ZNF618: variants seen among roughly 807,000 people sequenced by gnomAD.
ZNF618 encodes the protein zinc finger protein 618.
A neutral mutation model predicts 103.0 loss-of-function variants in ZNF618; 34 were observed. That is an observed-to-expected ratio of 0.33 (90% CI 0.25 to 0.44). The LOEUF (loss-of-function observed/expected upper bound fraction) is 0.44. Ranked by LOEUF, ZNF618 falls within the 20% of genes least tolerant of loss-of-function variation. The probability of loss-of-function intolerance (pLI) is 1.00; values close to 1 mark genes in which losing one functional copy is unlikely to be tolerated. For synonymous variants in ZNF618, 551 were observed against 542.2 expected (o/e 1.02, Z -0.23); for missense variants, 1,059 against 1,295.4 (o/e 0.82, Z 2.80).
chr9:113,970,956 T>G (rs1288987834), intron 2 of ZNF618, among the ~76,000 whole-genome samples: 2 of 141,798 alleles, frequency 1.4e-5, no homozygotes, highest in African/African-American at 2.7e-5. Flanking sequence ...ATGGGCACAC[T>G]AGATGAGATG....
At chr9:113,945,712 G>A (rs980426887) in intron 1 of ZNF618, among the ~76,000 whole-genome samples, 1 of 152,172 alleles carries the variant, frequency 6.6e-6, no homozygotes, top group African/African-American at 2.4e-5. Context: ...CCCTGTCCCT[G>A]CCTTGACTGG....
Position 113,997,131 on chromosome 9 carries a change from A to G in ZNF618, c.338-1128A>G, listed in dbSNP as rs372808636. On this transcript the variant is annotated intron_variant, in intron 3 of 14. Transcript: ENST00000374126. Reference sequence around the variant, plus strand: ...CTTCTTTCTTTCTTTTTTTTGAGATAGGGTCTTACTCTGTTGCCCAGGCTG... The same window carrying G: ...CTTCTTTCTTTCTTTTTTTTGAGATGGGGTCTTACTCTGTTGCCCAGGCTG... 2.6e-4 allele frequency among the ~76,000 whole-genome samples: 38 copies of G among 148,728 alleles called. No homozygotes were observed. The East Asian group carries it at 7.0e-3, about 27-fold the overall frequency.
At chr9:113,899,397 G>A (rs920287401) in intron 1 of ZNF618, among the ~76,000 whole-genome samples, 2 of 152,178 alleles carry the variant, frequency 1.3e-5, no homozygotes, top group East Asian at 1.9e-4. Context: ...ACCAGTACAG[G>A]TCCGTGGCCT....
At chr9:113,944,868 C>A (rs1834866638) in intron 1 of ZNF618, among the ~76,000 whole-genome samples, 1 of 152,110 alleles carries the variant, frequency 6.6e-6, no homozygotes, top group Non-Finnish European at 1.5e-5. Flanking sequence ...TTTGGATTAG[C>A]CGCATTTCAA....
At chr9:113,928,054 T>A (rs572134491) in intron 1 of ZNF618, among the ~76,000 whole-genome samples, 1 of 152,322 alleles carries the variant, frequency 6.6e-6, no homozygotes, top group Admixed American at 6.5e-5. Flanking sequence ...AGTGACAGCC[T>A]CCAAGCTCTT....
Position 113,988,207 on chromosome 9 carries a change from G to T in ZNF618, c.78-114G>T, listed in dbSNP as rs939948455. ...GTGTGGGAGGCTAAGGGGGCCGGGG[G>T]CCCTAGAATTCACTATGCACACAGC... is the stretch of plus-strand genomic sequence containing the variant. On this transcript the variant is annotated intron_variant, in intron 2 of 14. Transcript: ENST00000374126. 3.7e-5 allele frequency: 51 copies of T among 1,382,372 alleles called. 1 individual carries two copies. In the African/African-American group the frequency reaches 4.9e-4, roughly 13 times the overall value. The allele number at this position is 1,382,372 out of a possible 1,614,324, so 85.6% of individuals were successfully genotyped here.
At position 114,049,873 on chromosome 9, in the gene ZNF618, C is replaced by A. The variant is rs371564011; in HGVS notation, c.2571C>A (p.Ala857=). The A allele has an allele frequency of 6.2e-7, 1 of 1,613,914 alleles. No individual in the cohort carries two copies. ...CTGCCAAGAAGCCCCGCTCTGCTGC[C>A]GTCGAGAACCCCGCAGCTCAGGAAG... is the stretch of plus-strand genomic sequence containing the variant. ...EPAAKKPRSA[A]VENPAAQEDD... The change falls in exon 15 of 15, where the codon GCC becomes GCA. Residue 857 remains alanine (A), a synonymous_variant. Transcript: ENST00000374126.
intron 2 of ZNF618, among the ~76,000 whole-genome samples, chr9:113,972,938 A>G (rs1167753013): frequency 1.3e-5 from 2 of 152,112 alleles, no homozygotes; most frequent in Admixed American, 6.5e-5. Context: ...GTATGGTGGC[A>G]CACACCTGTA....
chr9:113,948,232 A>G (rs12551845), intron 1 of ZNF618, among the ~76,000 whole-genome samples: 4,808 of 152,254 alleles, frequency 0.032, 106 homozygotes, highest in Middle Eastern at 0.054. Context: ...TCAACCCTGG[A>G]TGGGTAAAAC....
At chr9:113,959,335 C>T (rs904092327) in intron 1 of ZNF618, among the ~76,000 whole-genome samples, 1 of 152,144 alleles carries the variant, frequency 6.6e-6, no homozygotes, top group Non-Finnish European at 1.5e-5. Flanking sequence ...CTCACTGGGC[C>T]AGATCTAAGA....
intron 1 of ZNF618, among the ~76,000 whole-genome samples, chr9:113,916,940 C>A (rs1273956890): frequency 1.3e-5 from 2 of 152,152 alleles, no homozygotes; most frequent in Non-Finnish European, 2.9e-5. Flanking sequence ...AGGACTGAAT[C>A]TTTCCTAAGA....
At chr9:113,950,324 C>T (rs1438869123) in intron 1 of ZNF618, among the ~76,000 whole-genome samples, 5 of 152,184 alleles carry the variant, frequency 3.3e-5, no homozygotes, top group African/African-American at 7.2e-5. Context: ...CCTGGCTCTG[C>T]TGGCTGTGTC....
intron 1 of ZNF618, among the ~76,000 whole-genome samples, chr9:113,961,738 C>T (rs1836859063): frequency 6.6e-6 from 1 of 152,252 alleles, no homozygotes; most frequent in South Asian, 2.1e-4. Context: ...ACAGAATCCT[C>T]TTTGTAACTT....
intron 1 of ZNF618, among the ~76,000 whole-genome samples, chr9:113,968,674 T>C (rs1837660305): frequency 6.6e-6 from 1 of 152,208 alleles, no homozygotes; most frequent in African/African-American, 2.4e-5. Flanking sequence ...TGGCACTCTC[T>C]TGCCTTCTGC....
At chr9:113,953,547 G>C (rs1835967531) in intron 1 of ZNF618, among the ~76,000 whole-genome samples, 1 of 152,170 alleles carries the variant, frequency 6.6e-6, no homozygotes, top group Admixed American at 6.5e-5. Context: ...TATATATAGA[G>C]AGTTTGATTC....
At position 114,047,927 on chromosome 9, in the gene ZNF618, C is replaced by T. The variant is rs903661366; in HGVS notation, c.1281C>T (p.Ser427=). Residue 427 remains serine (S), a synonymous_variant, in exon 14 of 15, where the codon TCC becomes TCT. Coordinates refer to ENST00000374126, the MANE Select transcript of ZNF618 (RefSeq NM_001318042.2). ...AAAACAACATTGCCTCCAACCAGTC[C>T]CGATCGCCACCTGCTGTTGTAGAAG... ...DNENNIASNQ[S]RSPPAVVEEK... is the part of the protein sequence containing the mutation. The T allele has an allele frequency of 1.2e-6, 2 of 1,603,236 alleles. No individual in the cohort carries two copies. Among genetic ancestry groups the T allele is most frequent in the African/African-American group, 1.3e-5 (1 of 74,692 alleles).
intron 1 of ZNF618, among the ~76,000 whole-genome samples, chr9:113,902,375 C>G (rs1022692408): frequency 6.6e-6 from 1 of 152,158 alleles, no homozygotes; most frequent in African/African-American, 2.4e-5. Flanking sequence ...TCATGTGCCA[C>G]AAGTTAATTT....
At chr9:113,951,306 T>C (rs1315656599) in intron 1 of ZNF618, among the ~76,000 whole-genome samples, 1 of 149,044 alleles carries the variant, frequency 6.7e-6, no homozygotes, top group African/African-American at 2.5e-5. Context: ...GCAAAGGTTC[T>C]AGTTCAGTGT....
intron 3 of ZNF618, among the ~76,000 whole-genome samples, chr9:113,990,656 C>T (rs990370569): frequency 6.6e-6 from 1 of 152,150 alleles, no homozygotes; most frequent in Non-Finnish European, 1.5e-5. Flanking sequence ...GAGAGACTTA[C>T]GCTGGCAATT....
Sources: allele counts gnomAD v4.1 joint callset (sites outside exome capture counted in the v4.1 genomes callset), GRCh38; gene constraint gnomAD v4.1.1; transcripts MANE v1.5; gene names NCBI Gene and HGNC (gene_info 2026-07-23, HGNC 2026-07-21).